PRKCH: variants seen among roughly 807,000 people sequenced by gnomAD.
PRKCH encodes protein kinase C eta, also known as protein kinase C eta type.
A neutral mutation model predicts 82.5 loss-of-function variants in PRKCH; 28 were observed. The ratio of observed to expected loss-of-function variants is 0.34; its 90% CI spans 0.25 to 0.47. The LOEUF (loss-of-function observed/expected upper bound fraction) is 0.47, where lower values mean the gene tolerates loss of function less well. Among genes scored for constraint, PRKCH ranks in the 20% least tolerant of loss-of-function variants. The pLI, the probability that PRKCH is intolerant of heterozygous loss-of-function variation, is 1.00. For synonymous variants in PRKCH, 322 were observed against 327.4 expected, an observed-to-expected ratio of 0.98 and a Z score of 0.18; for missense variants, 705 against 881.8, an observed-to-expected ratio of 0.80 and a Z score of 2.54.
At chr14:61,540,146 T>C (rs560889834) in intron 12 of PRKCH, among the ~76,000 whole-genome samples, 8 of 152,296 alleles carry the variant, frequency 5.3e-5, no homozygotes, top group Non-Finnish European at 8.8e-5. Flanking sequence ...ATGCCTCGGA[T>C]TTTTTCCAGC....
chr14:61,467,399 T>G (rs560607119), intron 9 of PRKCH, among the ~76,000 whole-genome samples: 1 of 152,236 alleles, frequency 6.6e-6, no homozygotes, highest in African/African-American at 2.4e-5. Flanking sequence ...TGTCCAGCTC[T>G]GATGCTTCCC....
chr14:61,258,688 C>T (rs1479006916), intron 1 of PRKCH, among the ~76,000 whole-genome samples: 1 of 152,200 alleles, frequency 6.6e-6, no homozygotes, highest in Admixed American at 6.5e-5. Context: ...ATATAGATAT[C>T]TTTGGCCCAG....
intron 1 of PRKCH, among the ~76,000 whole-genome samples, chr14:61,190,727 G>A (rs1327270107): frequency 1.3e-5 from 2 of 151,988 alleles, no homozygotes; most frequent in Non-Finnish European, 2.9e-5. Context: ...GACGCTCCCC[G>A]CTCTGAGGCT....
intron 10 of PRKCH, among the ~76,000 whole-genome samples, chr14:61,508,365 A>G (rs941695856): frequency 3.3e-5 from 5 of 152,160 alleles, no homozygotes; most frequent in Non-Finnish European, 5.9e-5. Context: ...TCAAAGTGAT[A>G]CAGAGATTAG....
chr14:61,523,342 ATATT>A (rs2042928599), intron 10 of PRKCH, among the ~76,000 whole-genome samples: 1 of 152,254 alleles, frequency 6.6e-6, no homozygotes, highest in Non-Finnish European at 1.5e-5. Context: ...CCATCTTAGA[ATATT>A]TATTGATTCC....
intron 10 of PRKCH, among the ~76,000 whole-genome samples, chr14:61,512,808 G>A (rs1199182666): frequency 6.6e-6 from 1 of 151,992 alleles, no homozygotes; most frequent in African/African-American, 2.4e-5. Context: ...TTTGTTTTGG[G>A]GGTTTTTTAA....
chr14:61,527,228 T>C (rs1481424153), intron 10 of PRKCH, among the ~76,000 whole-genome samples: 1 of 151,932 alleles, frequency 6.6e-6, no homozygotes, highest in Non-Finnish European at 1.5e-5. Flanking sequence ...ATGAATTTGC[T>C]CTTAGGGATT....
intron 10 of PRKCH, among the ~76,000 whole-genome samples, chr14:61,493,075 G>A (rs1886524307): frequency 6.6e-6 from 1 of 152,208 alleles, no homozygotes; most frequent in Admixed American, 6.5e-5. Context: ...GGAGGCTGCA[G>A]AAATGAAGTA....
chr14:61,236,355 C>G (rs1338229281), intron 1 of PRKCH, among the ~76,000 whole-genome samples: 1 of 152,134 alleles, frequency 6.6e-6, no homozygotes, highest in Non-Finnish European at 1.5e-5. Context: ...ACAGGATGAG[C>G]TAGGAGGTCA....
At chr14:61,471,513 GC>G (rs1293466321) in intron 9 of PRKCH, among the ~76,000 whole-genome samples, 5 of 151,460 alleles carry the variant, frequency 3.3e-5, no homozygotes. Context: ...GCTTTACCGG[GC>G]TAAAAAAAAT....
At chr14:61,486,289 T>TGCTATA (rs3837624) in intron 10 of PRKCH, among the ~76,000 whole-genome samples, 3 of 151,946 alleles carry the variant, frequency 2.0e-5, no homozygotes, top group Admixed American at 2.0e-4. Context: ...TGCTCTAAGT[T>TGCTATA]ACAAGAATTA....
At chr14:61,476,801 CAG>C (rs779838938) in intron 9 of PRKCH, among the ~76,000 whole-genome samples, 8 of 152,102 alleles carry the variant, frequency 5.3e-5, no homozygotes, top group Non-Finnish European at 1.0e-4. Flanking sequence ...GGGCTTGACA[CAG>C]GGGTTGCTGG....
chr14:61,373,607 G>A (rs2046392059), intron 1 of PRKCH, among the ~76,000 whole-genome samples: 2 of 151,834 alleles, frequency 1.3e-5, no homozygotes, highest in Non-Finnish European at 2.9e-5. Flanking sequence ...CTTCGTTTTT[G>A]TTTTTGTTTT....
At chr14:61,436,391 G>T (rs186788240) in intron 2 of PRKCH, among the ~76,000 whole-genome samples, 2 of 144,044 alleles carry the variant, frequency 1.4e-5, no homozygotes, top group African/African-American at 5.9e-5. Flanking sequence ...GGTCTCCACA[G>T]TGAGATCCGG....
intron 2 of PRKCH, among the ~76,000 whole-genome samples, chr14:61,417,498 T>A (rs1402123270): frequency 1.3e-5 from 2 of 152,248 alleles, no homozygotes; most frequent in African/African-American, 2.4e-5. Context: ...ACCTAAGTGT[T>A]GTACTTTGTG....
intron 9 of PRKCH, among the ~76,000 whole-genome samples, chr14:61,473,119 G>A (rs1324026573): frequency 1.3e-5 from 2 of 152,176 alleles, no homozygotes; most frequent in Non-Finnish European, 2.9e-5. Flanking sequence ...CCCAGACAGA[G>A]GTAACAGCAG....
intron 1 of PRKCH, among the ~76,000 whole-genome samples, chr14:61,188,067 GGTTAATTT>G (rs1421206409): frequency 5.3e-5 from 8 of 152,170 alleles, no homozygotes; most frequent in Admixed American, 3.3e-4. Flanking sequence ...TTGAGTTTCA[GGTTAATTT>G]GTTGGGAGGA....
At chr14:61,231,362 A>T (rs1055046767) in intron 1 of PRKCH, among the ~76,000 whole-genome samples, 25 of 128,526 alleles carry the variant, frequency 1.9e-4, no homozygotes, top group African/African-American at 6.3e-4. Flanking sequence ...ATCCAGATGA[A>T]TTTTTTTTTT....
chr14:61,373,868 G>T (rs754412878), intron 1 of PRKCH, among the ~76,000 whole-genome samples: 1 of 152,134 alleles, frequency 6.6e-6, no homozygotes, highest in Non-Finnish European at 1.5e-5. Flanking sequence ...CTCCCAAAGT[G>T]CTGGGATTAC....
Sources: gnomAD v4.1 joint callset for allele counts (sites outside exome capture counted in the v4.1 genomes callset) on GRCh38, gnomAD v4.1.1 for gene constraint, MANE v1.5 for transcripts, NCBI Gene and HGNC (gene_info 2026-07-23, HGNC 2026-07-21) for gene names.